Variants in CX3CL1 observed in about 807,000 individuals in gnomAD.
The protein encoded by CX3CL1 is fractalkine.
CX3CL1 carries 1 observed loss-of-function variant against 14.1 expected under a neutral mutation model. The ratio of observed to expected loss-of-function variants is 0.07; its 90% CI spans 0.03 to 0.34. The LOEUF (loss-of-function observed/expected upper bound fraction) is 0.34, where lower values mean the gene tolerates loss of function less well. Among genes scored for constraint, CX3CL1 ranks in the 10% least tolerant of loss-of-function variants. The pLI is 0.99. For missense variants in CX3CL1, 505 were observed against 536.4 expected, an observed-to-expected ratio of 0.94 and a Z score of 0.58; for synonymous variants, 255 against 229.6, an observed-to-expected ratio of 1.11 and a Z score of -1.00.
At chr16:57,379,444 T>A (rs1902288988) in intron 1 of CX3CL1, 190 bp from the exon 2 acceptor site, 2 of 577,134 alleles carry the variant, frequency 3.5e-6, no homozygotes, top group Non-Finnish European at 6.1e-6. Context: ...TTGTTCCTAT[T>A]TTACAGGTGG....
chr16:57,380,669 G>T (rs951155807), intron 2 of CX3CL1, among the ~76,000 whole-genome samples: 1 of 152,204 alleles, frequency 6.6e-6, no homozygotes, highest in Non-Finnish European at 1.5e-5. Flanking sequence ...ACCATTTCGA[G>T]ACTTTGGGGA....
intron 1 of CX3CL1, chr16:57,377,872 A>C (rs745333023): frequency 2.0e-5 from 3 of 152,182 alleles, no homozygotes; most frequent in Non-Finnish European, 4.4e-5. Flanking sequence ...CCTTGAGCTC[A>C]AGCTAAGCAG....
At chr16:57,376,251 G>A (rs1323191412) in intron 1 of CX3CL1, among the ~76,000 whole-genome samples, 2 of 152,266 alleles carry the variant, frequency 1.3e-5, no homozygotes, top group Non-Finnish European at 2.9e-5. Context: ...GGCCTGGCAA[G>A]AGGAACCAGC....
chr16:57,381,839 G>C (rs908539496), intron 2 of CX3CL1, among the ~76,000 whole-genome samples, 191 bp from the exon 3 acceptor site: 3 of 152,064 alleles, frequency 2.0e-5, no homozygotes, highest in Admixed American at 6.6e-5. Flanking sequence ...CCATTTCTAG[G>C]GTGAGGACCT....
At position 57,382,553 on chromosome 16, in the gene CX3CL1, A is replaced by T; in HGVS notation, c.715A>T (p.Asn239Tyr). 6.2e-7 allele frequency: 1 copy of T among 1,613,824 alleles called. No homozygotes were observed. Among genetic ancestry groups the T allele is most frequent in the South Asian group, 1.1e-5 (1 of 91,072 alleles). ...TGCGTCCTCCCCAGCCCCAGAGGAG[A>T]ATGCTCCGTCTGAAGGCCAGCGTGT... ...STASSPAPEE[N>Y]APSEGQRVWG... The change falls in exon 3 of 3, where the codon AAT becomes TAT. Residue 239 changes from asparagine to tyrosine, a missense_variant. Transcript: ENST00000006053. This position sits in a 1 kb window ranked among gnomAD's most constrained non-coding sequence, Gnocchi z 6.9.
chr16:57,376,020 G>T (rs1902240296), intron 1 of CX3CL1, among the ~76,000 whole-genome samples: 1 of 152,222 alleles, frequency 6.6e-6, no homozygotes, highest in African/African-American at 2.4e-5. Context: ...CATCTGTAAA[G>T]TTGGGATAAT....
chr16:57,382,489 G>C lies in CX3CL1; in HGVS notation c.651G>C (p.Glu217Asp). ...TCTGGGCTGAGGCAAAGACCTCTGA[G>C]GCCCCGTCCACCCAGGACCCCTCCA... ...PSLWAEAKTS[E>D]APSTQDPSTQ... The change falls in exon 3 of 3, where the codon GAG (glutamate) becomes GAC (aspartate). Residue 217 changes from glutamate to aspartate, a missense_variant. By Grantham distance (45) the Glu-to-Asp change is conservative (BLOSUM62 2). Coordinates refer to ENST00000006053, the MANE Select transcript of CX3CL1 (RefSeq NM_002996.6). This position sits in a 1 kb window ranked among gnomAD's most constrained non-coding sequence, Gnocchi z 6.9. 1.2e-6 allele frequency: 2 copies of C among 1,612,716 alleles called. No homozygotes were observed. The highest frequency in any genetic ancestry group is 1.7e-6 in the Non-Finnish European group (2 of 1,179,734).
rs200554957 is a variant in CX3CL1, at chr16:57,382,548, A to G, written c.710A>G (p.Glu237Gly). Residue 237 changes from glutamate (E) to glycine (G), a missense_variant, in exon 3 of 3, where the codon GAG becomes GGG. Glu to Gly is a moderately conservative substitution (Grantham distance 98). Transcript: ENST00000006053. The surrounding 1 kb of genome is among the most constrained non-coding windows in gnomAD (Gnocchi z 6.9). ...QASTASSPAP[E>G]ENAPSEGQRV... is the part of the protein sequence containing the mutation. Reference sequence around the variant, plus strand: ...TCCACTGCGTCCTCCCCAGCCCCAGAGGAGAATGCTCCGTCTGAAGGCCAG... The same window carrying G: ...TCCACTGCGTCCTCCCCAGCCCCAGGGGAGAATGCTCCGTCTGAAGGCCAG... 9 of 1,613,942 alleles carry G rather than the reference A, an allele frequency of 5.6e-6. No individual in the cohort carries two copies. The African/African-American group carries it at 1.2e-4, about 22-fold the overall frequency.
Position 57,372,490 on chromosome 16 carries a change from A to C in CX3CL1, c.-79A>C, listed in dbSNP as rs1442380216. The C allele has an allele frequency of 3.7e-6, 5 of 1,335,034 alleles. No individual in the cohort carries two copies. The highest frequency in any genetic ancestry group is 5.2e-6 in the Non-Finnish European group (5 of 954,078). The allele number at this position is 1,335,034 out of a possible 1,614,324, so 82.7% of individuals were successfully genotyped here. On this transcript the variant is annotated 5_prime_UTR_variant, in exon 1 of 3. Transcript: ENST00000006053. ...AAAGCCACAGATCTCTGGCGGCGGC[A>C]AGGGGACAGCACTGAGCTCTGCCGC...
intron 1 of CX3CL1, chr16:57,377,093 T>C (rs1902257173): frequency 6.6e-6 from 1 of 152,292 alleles, no homozygotes. Flanking sequence ...TCTGTGGCTC[T>C]TTAAAGCCCT....
intron 2 of CX3CL1, 57 bp downstream of exon 2, chr16:57,379,811 G>T (rs1479553054): frequency 1.3e-6 from 2 of 1,597,748 alleles, no homozygotes; most frequent in African/African-American, 1.3e-5. Flanking sequence ...AATATTCCCA[G>T]ACCTCTGAGA....
At chr16:57,381,980 G>C in intron 2 of CX3CL1, 50 bp from the exon 3 acceptor site, 1 of 1,525,190 alleles carries the variant, frequency 6.6e-7, no homozygotes, top group Non-Finnish European at 8.8e-7. Flanking sequence ...ACGCTGGCCC[G>C]GGTTTCTGGT....
chr16:57,372,727 C>T (rs1224310275), intron 1 of CX3CL1, 89 bp downstream of exon 1: 2 of 1,356,692 alleles, frequency 1.5e-6, no homozygotes, highest in Non-Finnish European at 2.1e-6. Context: ...GGCCCCAGAC[C>T]CTGCCTGGGT....
At chr16:57,372,985 G>A (rs1283591995) in intron 1 of CX3CL1, among the ~76,000 whole-genome samples, 1 of 152,190 alleles carries the variant, frequency 6.6e-6, no homozygotes, top group African/African-American at 2.4e-5. Flanking sequence ...TGGGCACTGG[G>A]GTGGGAGGCC....
At chr16:57,374,393 A>G (rs1174321947) in intron 1 of CX3CL1, among the ~76,000 whole-genome samples, 1 of 151,560 alleles carries the variant, frequency 6.6e-6, no homozygotes. Context: ...AGTGCAGAGC[A>G]TTGCCCCCCC....
In CX3CL1 at chr16:57,382,683, G is replaced by A. The variant is rs1369982440; in HGVS notation, c.845G>A (p.Ser282Asn). ...TDAFQDWGPG[S>N]MAHVSVVPVS... The stretch of plus-strand genomic sequence containing the variant: ...GCCTTCCAGGACTGGGGGCCTGGCA[G>A]CATGGCCCACGTCTCTGTGGTCCCT... Residue 282 changes from serine (S) to asparagine (N), a missense_variant, in exon 3 of 3, where the codon AGC (serine) becomes AAC (asparagine). By Grantham distance (46) the Ser-to-Asn change is conservative. Transcript: ENST00000006053. The surrounding 1 kb of genome is among the most constrained non-coding windows in gnomAD (Gnocchi z 6.9). 2.5e-6 allele frequency: 4 copies of A among 1,612,472 alleles called. No homozygotes were observed. The highest frequency in any genetic ancestry group is 3.4e-6 in the Non-Finnish European group (4 of 1,179,000).
At chr16:57,381,293 TG>T (rs1902316572) in intron 2 of CX3CL1, among the ~76,000 whole-genome samples, 1 of 152,144 alleles carries the variant, frequency 6.6e-6, no homozygotes, top group Admixed American at 6.5e-5. Flanking sequence ...CTCTGAGCTG[TG>T]GGCTTGGTGG....
intron 2 of CX3CL1, 72 bp downstream of exon 2, chr16:57,379,826 A>G (rs1412552809): frequency 6.4e-7 from 1 of 1,558,834 alleles, no homozygotes; most frequent in East Asian, 2.3e-5. Flanking sequence ...CTGAGAATCT[A>G]CGTCCACACC....
intron 1 of CX3CL1, 40 bp downstream of exon 1, chr16:57,372,678 C>A (rs550527744): frequency 4.4e-6 from 7 of 1,599,210 alleles, no homozygotes; most frequent in African/African-American, 4.0e-5. Flanking sequence ...GGGTAGGGAG[C>A]CCCCAGCCCC....
Sources: allele counts gnomAD v4.1 joint callset (sites outside exome capture counted in the v4.1 genomes callset), GRCh38; gene constraint gnomAD v4.1.1; non-coding constraint Gnocchi (gnomAD v3.1); transcripts MANE v1.5; gene names NCBI Gene and HGNC (gene_info 2026-07-23, HGNC 2026-07-21).